Variants in CPLANE1 observed in about 807,000 individuals in gnomAD.
CPLANE1 encodes ciliogenesis and planar polarity effector complex subunit 1.
CPLANE1 carries 263 observed loss-of-function variants against 362.5 expected under a neutral mutation model. The observed-to-expected ratio is 0.73, with a 90% CI of 0.66 to 0.80. The LOEUF is 0.80. Ranked by LOEUF, CPLANE1 falls within the 30% of genes least tolerant of loss-of-function variation. CPLANE1 has a pLI of 0.00. For missense variants in CPLANE1, 3,461 were observed against 3,793.4 expected (o/e 0.91, Z 2.30); for synonymous variants, 1,212 against 1,302.6 (o/e 0.93, Z 1.50).
chr5:37,112,827 T>C (rs1248916953), intron 51 of CPLANE1, among the ~76,000 whole-genome samples: 3 of 152,180 alleles, frequency 2.0e-5, no homozygotes, highest in African/African-American at 7.2e-5. Context: ...AGGGTTACCA[T>C]TGAACAATGA....
At chr5:37,081,753 T>C in the CPLANE1 span, among the ~76,000 whole-genome samples, 9 of 152,328 alleles carry the variant, frequency 5.9e-5, 1 homozygote, top group South Asian at 8.3e-4. Context: ...CTTAGGGAAC[T>C]TCCACAAGAA....
intron 46 of CPLANE1, among the ~76,000 whole-genome samples, chr5:37,134,414 A>T (rs77327380): frequency 3.0e-4 from 45 of 152,254 alleles, no homozygotes; most frequent in African/African-American, 1.1e-3. Flanking sequence ...TAGATTTTCT[A>T]CTTTGTGCAT....
intron 23 of CPLANE1, among the ~76,000 whole-genome samples, chr5:37,186,826 G>A (rs1199284142): frequency 2.0e-5 from 3 of 152,056 alleles, no homozygotes; most frequent in African/African-American, 7.2e-5. Flanking sequence ...TTGGGAGGCC[G>A]AGGCGGGCAG....
intron 26 of CPLANE1, among the ~76,000 whole-genome samples, chr5:37,181,960 C>T (rs1203423282): frequency 6.6e-5 from 10 of 151,980 alleles, no homozygotes; most frequent in African/African-American, 1.2e-4. Context: ...GGCGTGGTGG[C>T]GCGTGCCTGT....
At position 37,165,639 on chromosome 5, in the gene CPLANE1, T is replaced by C; in HGVS notation, c.7433A>G (p.Glu2478Gly). Residue 2478 changes from glutamate to glycine, a missense_variant, in exon 36 of 53, where the codon GAA (glutamate) becomes GGA (glycine). Physicochemically the swap from Glu to Gly is moderately conservative, Grantham distance 98. Coordinates refer to ENST00000651892, the MANE Select transcript of CPLANE1 (RefSeq NM_001384732.1). ...QRRRAEKELQ[E>G]KRCEKLRRKP... ...TCTCCTCAGTTTCTCACATCTTTTT[T>C]CTTGCAGCTCTTTCTCAGCTCTTCT... is the stretch of plus-strand genomic sequence containing the variant. The C allele has an allele frequency of 6.2e-7, 1 of 1,611,234 alleles. No homozygotes were observed.
intron 46 of CPLANE1, among the ~76,000 whole-genome samples, chr5:37,127,614 G>A (rs1393862503): frequency 2.7e-5 from 4 of 150,182 alleles, no homozygotes; most frequent in Non-Finnish European, 5.9e-5. Flanking sequence ...TGCCTCCCGG[G>A]TTTAAGCGAT....
chr5:37,104,754 A>AAC (rs1554041246), downstream of CPLANE1, among the ~76,000 whole-genome samples: 22 of 151,314 alleles, frequency 1.5e-4, no homozygotes, highest in African/African-American at 5.1e-4. Flanking sequence ...TAAAAAAAAA[A>AAC]ACACACACAC....
chr5:37,202,705 GA>G (rs1217220281), intron 18 of CPLANE1, among the ~76,000 whole-genome samples: 1 of 151,994 alleles, frequency 6.6e-6, no homozygotes, highest in African/African-American at 2.4e-5. Context: ...TGAAAGTACA[GA>G]ATATAATATG....
chr5:37,122,556 C>G (rs577359016), intron 47 of CPLANE1, 68 bp from the exon 48 acceptor site: 1 of 1,237,328 alleles, frequency 8.1e-7, no homozygotes, highest in East Asian at 2.4e-5. Flanking sequence ...ACACATAATT[C>G]TGTTATTTAG....
chr5:37,198,467 A>T (rs1317685203), intron 20 of CPLANE1, among the ~76,000 whole-genome samples: 2 of 152,126 alleles, frequency 1.3e-5, no homozygotes, highest in African/African-American at 4.8e-5. Context: ...CCTGGAATTA[A>T]TGGACTAGAT....
At position 37,209,401 on chromosome 5, in the gene CPLANE1, T is replaced by G. The variant is rs934742177; in HGVS notation, c.2921-2976A>C. ...TCCAACATGCTCCCCGTGGCTGATG[T>G]GTTGAGTCAAAATGAACTGCGCAAA... On this transcript the variant is annotated intron_variant, in intron 16 of 52. Transcript: ENST00000651892. The surrounding 1 kb of genome is among the most constrained non-coding windows in gnomAD (Gnocchi z 4.6). The G allele has an allele frequency of 4.8e-6, 6 of 1,245,590 alleles. No homozygotes were observed. In the African/African-American group the frequency reaches 7.4e-5, roughly 15 times the overall value. 77.2% of individuals were successfully genotyped at this position (1,245,590 alleles called of 1,614,324 possible). A position where few individuals can be genotyped will look rare whatever the true frequency, so the allele number is the denominator to read the frequency against.
chr5:37,187,438 A>G lies in CPLANE1; in HGVS notation c.4056T>C (p.Ile1352=). 6.2e-7 allele frequency: 1 copy of G among 1,612,822 alleles called. No homozygotes were observed. The highest frequency in any genetic ancestry group is 2.2e-5 in the East Asian group (1 of 44,846). Residue 1352 remains isoleucine, a synonymous_variant, in exon 23 of 53, where the codon ATT becomes ATC. Transcript: ENST00000651892. ...CCTTTCTGATTGGTGGCAGTTCTCC[A>G]ATAAGGCTCAAAATTATATCCTGAA... ...ELIQDIILSL[I]GELPPIRKVA...
At chr5:37,170,761 C>G (rs1476202025) in intron 32 of CPLANE1, among the ~76,000 whole-genome samples, 1 of 152,084 alleles carries the variant, frequency 6.6e-6, no homozygotes, top group African/African-American at 2.4e-5. Flanking sequence ...CATGATGAAA[C>G]CCCATCTCTA....
chr5:37,088,947 T>G, the CPLANE1 span, among the ~76,000 whole-genome samples: 1 of 152,054 alleles, frequency 6.6e-6, no homozygotes, highest in Non-Finnish European at 1.5e-5. Context: ...GGTCTGCATA[T>G]TCTTCCCCCT....
the CPLANE1 span, among the ~76,000 whole-genome samples, chr5:37,082,145 A>T: frequency 6.6e-6 from 1 of 152,294 alleles, no homozygotes; most frequent in South Asian, 2.1e-4. Flanking sequence ...GAAATAACAG[A>T]GGTAATGGCT....
intron 51 of CPLANE1, among the ~76,000 whole-genome samples, chr5:37,114,530 A>G (rs1194717571): frequency 6.6e-6 from 1 of 152,234 alleles, no homozygotes; most frequent in East Asian, 1.9e-4. Context: ...TCTTCTCTGA[A>G]CCACTGCAGC....
At chr5:37,223,866 A>C (rs1173444223) in intron 14 of CPLANE1, among the ~76,000 whole-genome samples, 6 of 152,104 alleles carry the variant, frequency 3.9e-5, no homozygotes, top group East Asian at 1.9e-4. Context: ...CAAAAAAAAA[A>C]CCACATTATT....
At chr5:37,120,426 T>C in intron 49 of CPLANE1, 86 bp from the exon 50 acceptor site, 1 of 1,234,642 alleles carries the variant, frequency 8.1e-7, no homozygotes, top group Non-Finnish European at 1.1e-6. Context: ...CAAATTAAGC[T>C]GGGCACAGTA....
At chr5:37,101,495 G>A (rs1408793851), downstream of CPLANE1, among the ~76,000 whole-genome samples, 1 of 152,110 alleles carries the variant, frequency 6.6e-6, no homozygotes, top group Non-Finnish European at 1.5e-5. Context: ...TGCTGGATTT[G>A]GTTTGCCAGT....
Sources: gnomAD v4.1 joint callset for allele counts (sites outside exome capture counted in the v4.1 genomes callset) on GRCh38, gnomAD v4.1.1 for gene constraint, Gnocchi (gnomAD v3.1) non-coding constraint, MANE v1.5 for transcripts, NCBI Gene and HGNC (gene_info 2026-07-23, HGNC 2026-07-21) for gene names.